TRMT6: variants seen among roughly 807,000 people sequenced by gnomAD.
The protein encoded by TRMT6 is tRNA methyltransferase 6 non-catalytic subunit.
In TRMT6, 34 loss-of-function variants were observed where a neutral mutation model predicts 59.0. The ratio of observed to expected loss-of-function variants is 0.58; its 90% CI spans 0.44 to 0.77. TRMT6 has a LOEUF of 0.77. Among genes scored for constraint, TRMT6 ranks in the 30% least tolerant of loss-of-function variants. The probability of loss-of-function intolerance (pLI) is 0.00; values close to 1 mark genes in which losing one functional copy is unlikely to be tolerated. For synonymous variants in TRMT6, 217 were observed against 210.5 expected, an observed-to-expected ratio of 1.03 and a Z score of -0.27; for missense variants, 575 against 604.5, an observed-to-expected ratio of 0.95 and a Z score of 0.51.
intron 2 of TRMT6, 81 bp downstream of exon 2, chr20:5,946,325 C>A: frequency 6.4e-7 from 1 of 1,560,494 alleles, no homozygotes; most frequent in Non-Finnish European, 8.8e-7. Flanking sequence ...CATGGCCTAG[C>A]ACTTGGGAAT....
Position 5,942,512 on chromosome 20 carries a change from G to A in TRMT6, c.942C>T (p.His314=), listed in dbSNP as rs2088666253. The A allele has an allele frequency of 1.9e-6, 3 of 1,614,000 alleles. No individual in the cohort carries two copies. The African/African-American group carries it at 4.0e-5, about 22-fold the overall frequency. The change falls in exon 7 of 11, where the codon CAC becomes CAT. Residue 314 remains histidine, a synonymous_variant. Coordinates refer to ENST00000203001, the MANE Select transcript of TRMT6 (RefSeq NM_015939.5). ...DSMAEAPESN[H]PEDQETMETI... ...TTTCCATTGTTTCCTGGTCTTCTGG[G>A]TGGTTGCTCTCTGGGGCCTCTGCCA...
rs1434652428 is a variant in TRMT6, at chr20:5,944,021, T to C, written c.469A>G (p.Ile157Val). ...IKKKKKKYEA[I>V]ITVVKPSTRI... ...GTGGATGGCTTCACAACAGTAATGA[T>C]GGCTTCATATCTGGGGGAAGAAAAA... Residue 157 changes from isoleucine (I) to valine (V), a missense_variant, in exon 5 of 11, where the codon ATC becomes GTC. Coordinates refer to ENST00000203001, the MANE Select transcript of TRMT6 (RefSeq NM_015939.5). The C allele has an allele frequency of 2.5e-6, 4 of 1,599,456 alleles. No individual in the cohort carries two copies. The highest frequency in any genetic ancestry group is 2.6e-6 in the Non-Finnish European group (3 of 1,173,078).
chr20:5,945,778 A>G (rs1170178085), intron 2 of TRMT6, among the ~76,000 whole-genome samples: 1 of 152,194 alleles, frequency 6.6e-6, no homozygotes, highest in Non-Finnish European at 1.5e-5. Context: ...ATTTTAATAA[A>G]TATAATTTTA....
chr20:5,950,014 G>A (rs2088769099), intron 1 of TRMT6, among the ~76,000 whole-genome samples: 1 of 152,164 alleles, frequency 6.6e-6, no homozygotes, highest in Non-Finnish European at 1.5e-5. Flanking sequence ...AAAGGATGCT[G>A]AAGGTGGACG....
chr20:5,944,499 G>A (rs2088687982), intron 3 of TRMT6, among the ~76,000 whole-genome samples: 1 of 152,068 alleles, frequency 6.6e-6, no homozygotes, highest in Non-Finnish European at 1.5e-5. Context: ...GGAGAAGAGA[G>A]GTAAAGGAAA....
chr20:5,938,360 C>T lies in TRMT6; in HGVS notation c.*175G>A, dbSNP rs2088625229. 3.1e-6 allele frequency: 2 copies of T among 652,418 alleles called. No individual in the cohort carries two copies. The highest frequency in any genetic ancestry group is 2.5e-5 in the South Asian group (1 of 39,284). 40.4% of individuals were successfully genotyped at this position (652,418 alleles called of 1,614,324 possible). A position where few individuals can be genotyped will look rare whatever the true frequency, so the allele number is the denominator to read the frequency against. ...CCCCATGGTTGCAGTTTTGACAGAC[C>T]AAATGCATCTGTGTCAGAAATAGAC... On this transcript the variant is annotated 3_prime_UTR_variant, in exon 11 of 11. Coordinates refer to ENST00000203001, the MANE Select transcript of TRMT6 (RefSeq NM_015939.5).
intron 2 of TRMT6, among the ~76,000 whole-genome samples, chr20:5,946,044 G>A (rs561301050): frequency 1.3e-5 from 2 of 152,244 alleles, no homozygotes; most frequent in East Asian, 1.9e-4. Context: ...GAACTTAGCT[G>A]GATCCAAAAC....
rs1175073511 is a variant in TRMT6, at chr20:5,941,521, G to A, written c.1113-176C>T. The A allele has an allele frequency of 2.2e-5, 13 of 602,294 alleles. No homozygotes were observed. In the East Asian group the frequency reaches 3.3e-4, roughly 15 times the overall value. The allele number at this position is 602,294 out of a possible 1,614,324, so 37.3% of individuals were successfully genotyped here. On this transcript the variant is annotated intron_variant, in intron 8 of 10. Coordinates refer to ENST00000203001, the MANE Select transcript of TRMT6 (RefSeq NM_015939.5). ...TACAATCATGAGCTATTTCTTTCTA[G>A]GAAACGCGAACTAGGTTAGAAGCTC...
chr20:5,943,582 C>T lies in TRMT6; in HGVS notation c.644G>A (p.Gly215Asp), dbSNP rs2088678052. ...ACCTCCCATTCGTTCCATCATTGCA[C>T]CCAGCACCAAGCCTGCACACGTTTC... is the stretch of plus-strand genomic sequence containing the variant. ...VMETCAGLVL[G>D]AMMERMGGFG... is the part of the protein sequence containing the mutation. The change falls in exon 6 of 11, where the codon GGT becomes GAT. Residue 215 changes from glycine to aspartate, a missense_variant. Coordinates refer to ENST00000203001, the MANE Select transcript of TRMT6 (RefSeq NM_015939.5). The T allele has an allele frequency of 6.2e-7, 1 of 1,614,052 alleles. No homozygotes were observed.
intron 2 of TRMT6, 59 bp downstream of exon 2, chr20:5,946,347 T>C: frequency 6.2e-7 from 1 of 1,608,274 alleles, no homozygotes; most frequent in Non-Finnish European, 8.5e-7. Flanking sequence ...AGGTGGAGGC[T>C]GAGATGTTTC....
At chr20:5,948,336 A>G (rs1025639476) in intron 1 of TRMT6, among the ~76,000 whole-genome samples, 4 of 152,150 alleles carry the variant, frequency 2.6e-5, no homozygotes, top group Non-Finnish European at 4.4e-5. Flanking sequence ...TGCAGAGTCT[A>G]CTTCTCAGAG....
chr20:5,940,688 G>A (rs753105399), intron 10 of TRMT6, among the ~76,000 whole-genome samples: 5 of 151,890 alleles, frequency 3.3e-5, no homozygotes, highest in Non-Finnish European at 5.9e-5. Flanking sequence ...GTGGGATCTC[G>A]GCTCACTGCA....
Position 5,937,495 on chromosome 20 carries a change from A to C in TRMT6, c.*1040T>G, listed in dbSNP as rs916503378. 1 of 152,222 alleles carries C rather than the reference A, an allele frequency of 6.6e-6. No homozygotes were observed. Among genetic ancestry groups the C allele is most frequent in the African/African-American group, 2.4e-5 (1 of 41,458 alleles). 9.4% of individuals were successfully genotyped at this position (152,222 alleles called of 1,614,324 possible). On this transcript the variant is annotated 3_prime_UTR_variant, in exon 11 of 11. Transcript: ENST00000203001. ...CTACAGCACATGATCAAATGATTAG[A>C]GTTTTTCAGAGCTTAGAAAGGGTAA...
At chr20:5,949,568 G>C (rs1307087469) in intron 1 of TRMT6, among the ~76,000 whole-genome samples, 1 of 152,170 alleles carries the variant, frequency 6.6e-6, no homozygotes, top group Admixed American at 6.5e-5. Context: ...CTGAGGCCTT[G>C]AGCAAATTGC....
rs1031330024 is a variant in TRMT6 at position 5,940,834 on chromosome 20, T to A, written c.1302+219A>T. On this transcript the variant is annotated intron_variant, in intron 10 of 10. Coordinates refer to ENST00000203001, the MANE Select transcript of TRMT6 (RefSeq NM_015939.5). ...GGTCATGCCCAGCCAATTTATGTATTTTTTTTTGTAGAGACAGGGTTTCAC... is the reference window on the plus strand; with the variant it reads ...GGTCATGCCCAGCCAATTTATGTATATTTTTTTGTAGAGACAGGGTTTCAC... 1.2e-3 allele frequency among the ~76,000 whole-genome samples: 90 copies of A among 72,420 alleles called. No individual in the cohort carries two copies. The African/African-American group carries it at 0.021, about 17-fold the overall frequency. The allele number at this position is 72,420 out of a possible 152,430, so 47.5% of individuals were successfully genotyped here. A position where few individuals can be genotyped will look rare whatever the true frequency, so the allele number is the denominator to read the frequency against.
intron 1 of TRMT6, among the ~76,000 whole-genome samples, chr20:5,947,732 C>A (rs1002504259): frequency 6.7e-6 from 1 of 148,978 alleles, no homozygotes; most frequent in Non-Finnish European, 1.5e-5. Context: ...CACCCCCTAT[C>A]CTCATCCTTT....
At chr20:5,938,945 T>A (rs1418573847) in intron 10 of TRMT6, among the ~76,000 whole-genome samples, 1 of 144,198 alleles carries the variant, frequency 6.9e-6, no homozygotes, top group Non-Finnish European at 1.5e-5. Context: ...TCTCTCTCTC[T>A]CTTTCTTTTT....
At position 5,950,320 on chromosome 20, in the gene TRMT6, T is replaced by G. The variant is rs779893931; in HGVS notation, c.86A>C (p.Lys29Thr). 33 of 1,613,686 alleles carry G rather than the reference T, an allele frequency of 2.0e-5. No homozygotes were observed. Among genetic ancestry groups the G allele is most frequent in the African/African-American group, 2.7e-5 (2 of 74,934 alleles). The change falls in exon 1 of 11, where the codon AAA becomes ACA. Residue 29 changes from lysine to threonine, a missense_variant. Transcript: ENST00000203001. ...RIRDGDFVVL[K>T]REDVFKAVQV... is the part of the protein sequence containing the mutation. ...TACTGCTTTAAACACATCTTCACGT[T>G]TCAGCACCACGAAGTCGCCGTCGCG...
chr20:5,948,669 T>TTA (rs2088729696), intron 1 of TRMT6, among the ~76,000 whole-genome samples: 1 of 152,020 alleles, frequency 6.6e-6, no homozygotes, highest in Non-Finnish European at 1.5e-5. Context: ...AGTGAAACTC[T>TTA]GTCTCTGCAA....
Sources: gnomAD v4.1 joint callset for allele counts (sites outside exome capture counted in the v4.1 genomes callset) on GRCh38, gnomAD v4.1.1 for gene constraint, MANE v1.5 for transcripts, NCBI Gene and HGNC (gene_info 2026-07-23, HGNC 2026-07-21) for gene names.